PRKCA: variants seen among roughly 807,000 people sequenced by gnomAD.
PRKCA encodes the protein protein kinase C alpha.
Under a neutral mutation model 87.0 loss-of-function variants are expected in PRKCA, and 27 were observed. The ratio of observed to expected loss-of-function variants is 0.31; its 90% CI spans 0.23 to 0.43. PRKCA has a LOEUF of 0.43. PRKCA is among the 20% of genes least tolerant of loss of function. The probability of loss-of-function intolerance (pLI) is 1.00; values close to 1 mark genes in which losing one functional copy is unlikely to be tolerated. For synonymous variants in PRKCA, 329 were observed against 311.1 expected, an observed-to-expected ratio of 1.06 and a Z score of -0.61; for missense variants, 518 against 852.3, an observed-to-expected ratio of 0.61 and a Z score of 4.88.
chr17:66,547,385 C>G (rs1468890484), intron 3 of PRKCA, among the ~76,000 whole-genome samples: 1 of 152,082 alleles, frequency 6.6e-6, no homozygotes, highest in African/African-American at 2.4e-5. Context: ...GATAATTTGT[C>G]TATCCTCTTC....
At chr17:66,382,844 C>A (rs750945156) in intron 2 of PRKCA, among the ~76,000 whole-genome samples, 37 of 152,038 alleles carry the variant, frequency 2.4e-4, no homozygotes, top group Non-Finnish European at 5.0e-4. Context: ...CAGACACCCC[C>A]CCATTACCAC....
rs1021030740 is a variant in PRKCA, at chr17:66,721,200, T to A, written c.919-11488T>A. On this transcript the variant is annotated intron_variant, in intron 8 of 16. Coordinates refer to ENST00000413366, the MANE Select transcript of PRKCA (RefSeq NM_002737.3). Reference sequence around the variant, plus strand: ...TCATGAGGTCAGGAGATCGAGACCATCCTGGCTAACATGGTGAAACCCCGT... The same window carrying A: ...TCATGAGGTCAGGAGATCGAGACCAACCTGGCTAACATGGTGAAACCCCGT... Among the ~76,000 whole-genome samples, 6 of 152,040 alleles carry A rather than the reference T, an allele frequency of 3.9e-5. No individual in the cohort carries two copies. The East Asian group carries it at 5.8e-4, about 15-fold the overall frequency.
chr17:66,566,476 TTTGG>T (rs1267826825), intron 3 of PRKCA, among the ~76,000 whole-genome samples: 1 of 126,614 alleles, frequency 7.9e-6, no homozygotes, highest in Non-Finnish European at 1.6e-5. Flanking sequence ...GTTGTTGTTT[TTTGG>T]TTTTTTTTTT....
At chr17:66,735,396 C>T (rs1261107553) in intron 9 of PRKCA, 93 bp from the exon 10 acceptor site, 26 of 1,319,792 alleles carry the variant, frequency 2.0e-5, no homozygotes, top group Non-Finnish European at 2.4e-5. Context: ...GGTGCACAAA[C>T]TGTCACTGAG....
rs1030968618 is a variant in PRKCA at position 66,767,949 on chromosome 17, C to T, written c.1525-6038C>T. Among the ~76,000 whole-genome samples the T allele has an allele frequency of 2.6e-5, 4 of 152,070 alleles. 1 individual carries two copies. In the East Asian group the frequency reaches 7.7e-4, roughly 29 times the overall value. On this transcript the variant is annotated intron_variant, in intron 13 of 16. Coordinates refer to ENST00000413366, the MANE Select transcript of PRKCA (RefSeq NM_002737.3). ...TATGATAGCCTATTAAGCGTCTTCC[C>T]ACTGACTTGTTTTGTTTTGTTTTGA...
intron 14 of PRKCA, among the ~76,000 whole-genome samples, chr17:66,777,024 G>A (rs1242953231): frequency 6.6e-6 from 1 of 152,218 alleles, no homozygotes; most frequent in Non-Finnish European, 1.5e-5. Flanking sequence ...GGAAGCTGCT[G>A]CTCACCAGTT....
chr17:66,394,967 A>T (rs1910579113), intron 2 of PRKCA, among the ~76,000 whole-genome samples: 2 of 152,190 alleles, frequency 1.3e-5, no homozygotes, highest in African/African-American at 4.8e-5. Flanking sequence ...AAAGTCTCCC[A>T]CTGGGAAAAA....
intron 5 of PRKCA, among the ~76,000 whole-genome samples, chr17:66,674,880 T>C (rs7211970): frequency 0.036 from 5,484 of 152,248 alleles, 348 homozygotes; most frequent in African/African-American, 0.12. Context: ...TGTTCATGCT[T>C]GAGAAATCAG....
chr17:66,559,195 G>GGGCACGGTGGCTCATGCCTGTAATCC (rs1402110861), intron 3 of PRKCA, among the ~76,000 whole-genome samples: 2 of 152,002 alleles, frequency 1.3e-5, no homozygotes, highest in Non-Finnish European at 2.9e-5. Context: ...CCTCCAGGCC[G>GGGCACGGTGGCTCATGCCTGTAATCC]GGCACGGTGG....
At chr17:66,429,201 A>T (rs977475829) in intron 2 of PRKCA, among the ~76,000 whole-genome samples, 2 of 152,134 alleles carry the variant, frequency 1.3e-5, no homozygotes, top group African/African-American at 4.8e-5. Context: ...TGTTAAATAA[A>T]TGTGCTTTAC....
intron 2 of PRKCA, among the ~76,000 whole-genome samples, chr17:66,465,939 A>G (rs1567843640): frequency 6.6e-6 from 1 of 152,062 alleles, no homozygotes; most frequent in African/African-American, 2.4e-5. Context: ...CTTCACATGG[A>G]TAACTCAGTT....
intron 5 of PRKCA, among the ~76,000 whole-genome samples, chr17:66,684,216 C>A (rs1394278162): frequency 1.3e-5 from 2 of 152,198 alleles, no homozygotes; most frequent in Non-Finnish European, 1.5e-5. Context: ...CAATTATGAT[C>A]ATCACTATTG....
intron 5 of PRKCA, chr17:66,677,039 C>G (rs1345862955): frequency 1.4e-5 from 2 of 144,206 alleles, no homozygotes; most frequent in Middle Eastern, 3.8e-3. Context: ...GGTCAGCAAA[C>G]TACGGCCCAA....
At chr17:66,357,245 G>A (rs530508316) in intron 2 of PRKCA, among the ~76,000 whole-genome samples, 64 of 152,292 alleles carry the variant, frequency 4.2e-4, no homozygotes, top group African/African-American at 1.4e-3. Flanking sequence ...GGGTGCTGAA[G>A]CTGGGTGGTG....
chr17:66,765,886 C>T (rs1598927654), intron 13 of PRKCA, among the ~76,000 whole-genome samples: 1 of 152,098 alleles, frequency 6.6e-6, no homozygotes, highest in East Asian at 1.9e-4. Context: ...TGCTTTATTC[C>T]AAAAATGAAT....
At chr17:66,418,755 G>C (rs934865449) in intron 2 of PRKCA, among the ~76,000 whole-genome samples, 3 of 147,744 alleles carry the variant, frequency 2.0e-5, no homozygotes, top group Non-Finnish European at 4.5e-5. Flanking sequence ...GTTTTTCTTT[G>C]TTTGTTTGTT....
At chr17:66,761,886 C>A (rs1974694190) in intron 13 of PRKCA, among the ~76,000 whole-genome samples, 1 of 152,026 alleles carries the variant, frequency 6.6e-6, no homozygotes, top group African/African-American at 2.4e-5. Flanking sequence ...AGCAGAGTGC[C>A]CAACCCATAG....
chr17:66,341,021 G>A (rs963066135), intron 2 of PRKCA, among the ~76,000 whole-genome samples: 10 of 152,124 alleles, frequency 6.6e-5, no homozygotes, highest in Admixed American at 1.3e-4. Flanking sequence ...TGATTATTAC[G>A]GATCTGAAAA....
intron 5 of PRKCA, among the ~76,000 whole-genome samples, chr17:66,669,141 A>C (rs967330126): frequency 6.6e-6 from 1 of 152,074 alleles, no homozygotes; most frequent in African/African-American, 2.4e-5. Flanking sequence ...AAACAGGAAC[A>C]TAATGCCATT....
Sources: allele counts gnomAD v4.1 joint callset (sites outside exome capture counted in the v4.1 genomes callset), GRCh38; gene constraint gnomAD v4.1.1; transcripts MANE v1.5; gene names NCBI Gene and HGNC (gene_info 2026-07-23, HGNC 2026-07-21).